Variants in TFAP2A observed in about 807,000 individuals in gnomAD.
The protein encoded by TFAP2A is transcription factor AP-2-alpha.
A neutral mutation model predicts 41.5 loss-of-function variants in TFAP2A; 7 were observed. That is an observed-to-expected ratio of 0.17 (90% confidence interval 0.10 to 0.32). TFAP2A has a LOEUF of 0.32. Among genes scored for constraint, TFAP2A ranks in the 10% least tolerant of loss-of-function variants. TFAP2A has a pLI of 1.00. For synonymous variants in TFAP2A, 247 were observed against 242.8 expected, an observed-to-expected ratio of 1.02 and a Z score of -0.16; for missense variants, 416 against 563.3, an observed-to-expected ratio of 0.74 and a Z score of 2.65.
intron 2 of TFAP2A, chr6:10,407,061 C>CA (rs1425205794): frequency 1.7e-6 from 1 of 588,964 alleles, no homozygotes; most frequent in Non-Finnish European, 3.0e-6. Context: ...TCTCCTCCTC[C>CA]AGCAAATAAT....
At chr6:10,415,113 G>GTGGAGGAGGAGGAGGGAGAGGAGT (rs1758190627), upstream of TFAP2A, 2 of 1,598,012 alleles carry the variant, frequency 1.3e-6, no homozygotes, top group African/African-American at 2.7e-5. Context: ...GGGAGAGGAG[G>GTGGAGGAGGAGGAGGGAGAGGAGT]TGGAGGAGGA....
At chr6:10,414,588 C>T (rs1195745166) in intron 1 of TFAP2A, 5 of 465,054 alleles carry the variant, frequency 1.1e-5, no homozygotes, top group Non-Finnish European at 2.0e-5. Flanking sequence ...GGCCCTCAAT[C>T]TCGATGAAGA....
chr6:10,404,926 C>G, intron 3 of TFAP2A, 187 bp from the exon 4 acceptor site: 1 of 621,130 alleles, frequency 1.6e-6, no homozygotes, highest in East Asian at 2.8e-5. Flanking sequence ...CCTTCCCTAC[C>G]TCACCCGGCG....
chr6:10,412,075 T>C lies in TFAP2A; in HGVS notation c.52-1740A>G, dbSNP rs892234718. 5 of 996,978 alleles carry C rather than the reference T, an allele frequency of 5.0e-6. No individual in the cohort carries two copies. The African/African-American group carries it at 8.7e-5, about 17-fold the overall frequency. 61.8% of individuals were successfully genotyped at this position (996,978 alleles called of 1,614,324 possible). On this transcript the variant is annotated intron_variant, in intron 1 of 6. Coordinates refer to ENST00000379613, the MANE Select transcript of TFAP2A (RefSeq NM_001372066.1). ...ACACGAATACTTAATAAGGGAAGAA[T>C]GCCTGGAAATCGAGCGTGAAGCGGA...
chr6:10,404,181 G>C (rs1032143091), intron 4 of TFAP2A, among the ~76,000 whole-genome samples: 1 of 152,230 alleles, frequency 6.6e-6, no homozygotes, highest in Non-Finnish European at 1.5e-5. Context: ...CAGTGGCCGG[G>C]ATTGAGCCCG....
chr6:10,406,904 T>G, intron 2 of TFAP2A, 60 bp from the exon 3 acceptor site: 99 of 1,241,510 alleles, frequency 8.0e-5, no homozygotes, highest in Non-Finnish European at 1.1e-4. Context: ...GAAATGAATA[T>G]TCCCTGCAAG....
At chr6:10,412,152 T>A (rs1216092357) in intron 1 of TFAP2A, 2 of 989,624 alleles carry the variant, frequency 2.0e-6, no homozygotes, top group Non-Finnish European at 2.4e-6. Flanking sequence ...GACGGGAGTC[T>A]CAGTGTAGCA....
chr6:10,414,804 C>G (rs1204692179), intron 1 of TFAP2A, 137 bp downstream of exon 1: 8 of 1,191,972 alleles, frequency 6.7e-6, no homozygotes, highest in Non-Finnish European at 9.9e-6. Flanking sequence ...TCGGGCGAAT[C>G]CGAGGGACGG....
intron 5 of TFAP2A, among the ~76,000 whole-genome samples, chr6:10,401,790 C>A (rs1483300632): frequency 6.6e-6 from 1 of 152,154 alleles, no homozygotes; most frequent in African/African-American, 2.4e-5. Flanking sequence ...AAAACTTAAT[C>A]TAGAGGCAGC....
chr6:10,415,018 C>T lies in TFAP2A; in HGVS notation c.-27G>A, dbSNP rs1277064301. The stretch of plus-strand genomic sequence containing the variant: ...GATCGGCGTGAACGGATATGCCCCT[C>T]TCGGTCTCGCACCCAAGTGGAGCTA... On this transcript the variant is annotated 5_prime_UTR_variant, in exon 1 of 7. Transcript: ENST00000379613. 2 of 1,614,012 alleles carry T rather than the reference C, an allele frequency of 1.2e-6. No homozygotes were observed. The highest frequency in any genetic ancestry group is 2.2e-5 in the East Asian group (1 of 44,888).
rs1480723872 is a variant in TFAP2A, at chr6:10,410,307, G to C, written c.80C>G (p.Thr27Arg). 1 of 1,612,350 alleles carries C rather than the reference G, an allele frequency of 6.2e-7. No individual in the cohort carries two copies. Among genetic ancestry groups the C allele is most frequent in the Non-Finnish European group, 8.5e-7 (1 of 1,179,572 alleles). ...EDRHDGTSNG[T>R]ARLPQLGTVG... is the part of the protein sequence containing the mutation. ...AGTGCCCAGCTGGGGCAACCGTGCC[G>C]TCCCGTTGCTGGTGCCGTCGTGACG... The change falls in exon 2 of 7, where the codon ACG (threonine) becomes AGG (arginine). Residue 27 changes from threonine to arginine, a missense_variant. Thr to Arg is a moderately conservative substitution (Grantham distance 71). Around this residue, in one of 3 missense-constraint regions of TFAP2A, gnomAD observed 241 missense variants for 274.1 expected, o/e 0.88. Transcript: ENST00000379613.
intron 5 of TFAP2A, among the ~76,000 whole-genome samples, chr6:10,401,700 A>T (rs1351530441): frequency 6.6e-6 from 1 of 152,224 alleles, no homozygotes; most frequent in Non-Finnish European, 1.5e-5. Flanking sequence ...TGAGATATTT[A>T]CAATAGGACA....
At chr6:10,399,924 C>CTCTG (rs558771454) in intron 6 of TFAP2A, among the ~76,000 whole-genome samples, 56 of 149,000 alleles carry the variant, frequency 3.8e-4, no homozygotes, top group African/African-American at 1.3e-3. Flanking sequence ...CTCTCTCTGT[C>CTCTG]TGTGTGTGTG....
intron 6 of TFAP2A, 31 bp downstream of exon 6, chr6:10,400,410 AACGAGAC>A: frequency 6.2e-7 from 1 of 1,614,084 alleles, no homozygotes; most frequent in Non-Finnish European, 8.5e-7. Flanking sequence ...TTCTCTTGAC[AACGAGAC>A]ACAGAGACCC....
At position 10,397,860 on chromosome 6, in the gene TFAP2A, T is replaced by C. The variant is rs1761834114; in HGVS notation, c.*557A>G. 1 of 987,392 alleles carries C rather than the reference T, an allele frequency of 1.0e-6. No individual in the cohort carries two copies. Among genetic ancestry groups the C allele is most frequent in the South Asian group, 4.7e-5 (1 of 21,350 alleles). 61.2% of individuals were successfully genotyped at this position (987,392 alleles called of 1,614,324 possible). A position where few individuals can be genotyped will look rare whatever the true frequency, so the allele number is the denominator to read the frequency against. On this transcript the variant is annotated 3_prime_UTR_variant, in exon 7 of 7. Coordinates refer to ENST00000379613, the MANE Select transcript of TFAP2A (RefSeq NM_001372066.1). The stretch of plus-strand genomic sequence containing the variant: ...AAGACATGACATGGAACTTCGTGTA[T>C]TTGTGTTCAAGTTTATTCACAATAC...
upstream of TFAP2A, chr6:10,415,270 ACTTTTCC>A: frequency 7.0e-7 from 1 of 1,420,010 alleles, no homozygotes; most frequent in Non-Finnish European, 9.2e-7. Context: ...AATGGTAGAA[ACTTTTCC>A]CTTTTCCAGC....
intron 1 of TFAP2A, among the ~76,000 whole-genome samples, chr6:10,410,615 A>C (rs1056156838): frequency 6.6e-5 from 10 of 152,206 alleles, no homozygotes; most frequent in African/African-American, 2.4e-4. Flanking sequence ...AACACAGCCC[A>C]TTAAACTGCA....
chr6:10,401,310 C>A (rs1198646052), intron 5 of TFAP2A, among the ~76,000 whole-genome samples: 2 of 152,170 alleles, frequency 1.3e-5, no homozygotes, highest in Non-Finnish European at 2.9e-5. Context: ...CCACGCTATA[C>A]CTTAAGCCAC....
In TFAP2A at chr6:10,412,669, G is replaced by A. The variant is rs771855642; in HGVS notation, c.51+2272C>T. 19 of 340,534 alleles carry A rather than the reference G, an allele frequency of 5.6e-5. No homozygotes were observed. The Middle Eastern group carries it at 3.0e-3, about 53-fold the overall frequency. The allele number at this position is 340,534 out of a possible 1,614,324, so 21.1% of individuals were successfully genotyped here. ...TTGGGACCGCGTCCGGGCGCTCGTG[G>A]GGCTCTCGGCGCGGCAGGCGCTTCC... On this transcript the variant is annotated intron_variant, in intron 1 of 6. Coordinates refer to ENST00000379613, the MANE Select transcript of TFAP2A (RefSeq NM_001372066.1).
Sources: gnomAD v4.1 joint callset for allele counts (sites outside exome capture counted in the v4.1 genomes callset) on GRCh38, gnomAD v4.1.1 for gene constraint, gnomAD v4.1.1 regional missense constraint, MANE v1.5 for transcripts, NCBI Gene and HGNC (gene_info 2026-07-23, HGNC 2026-07-21) for gene names.